The following KCTD16 variants were observed in gnomAD, a reference collection of about 807,000 sequenced individuals.
The protein encoded by KCTD16 is potassium channel tetramerization domain containing 16.
A neutral mutation model predicts 33.2 loss-of-function variants in KCTD16; 13 were observed. The ratio of observed to expected loss-of-function variants is 0.39; its 90% CI spans 0.25 to 0.62. The LOEUF (loss-of-function observed/expected upper bound fraction) is 0.62. KCTD16 is among the 20% of genes least tolerant of loss of function. The probability of loss-of-function intolerance (pLI) is 0.50; values close to 1 mark genes in which losing one functional copy is unlikely to be tolerated. For synonymous variants in KCTD16, 197 were observed against 195.3 expected (o/e 1.01, Z -0.07); for missense variants, 441 against 525.1 (o/e 0.84, Z 1.57).
At chr5:144,221,816 G>A (rs1302006787) in intron 3 of KCTD16, among the ~76,000 whole-genome samples, 2 of 152,158 alleles carry the variant, frequency 1.3e-5, no homozygotes, top group East Asian at 3.9e-4. Context: ...GGTATTTCTG[G>A]TTCTTGATCC....
chr5:144,375,773 C>T lies in KCTD16; in HGVS notation c.833-97887C>T, dbSNP rs4546415. 3.2e-3 allele frequency among the ~76,000 whole-genome samples: 487 copies of T among 152,170 alleles called. 1 individual carries two copies. Among genetic ancestry groups the T allele is most frequent in the African/African-American group, 0.011 (463 of 41,534 alleles). Reference sequence around the variant, plus strand: ...CTTCCTAGGACCAATATTCTAGGACCGTCACATCAAACTCCTTCCCTTCCT... The same window carrying T: ...CTTCCTAGGACCAATATTCTAGGACTGTCACATCAAACTCCTTCCCTTCCT... On this transcript the variant is annotated intron_variant, in intron 3 of 3. Transcript: ENST00000512467.
chr5:144,385,726 T>C (rs1176548252), intron 3 of KCTD16, among the ~76,000 whole-genome samples: 3 of 152,200 alleles, frequency 2.0e-5, no homozygotes, highest in Non-Finnish European at 4.4e-5. Flanking sequence ...TCTGGACCAA[T>C]AAACTGCTTT....
At chr5:144,212,135 T>C (rs1753415849) in intron 3 of KCTD16, among the ~76,000 whole-genome samples, 1 of 152,174 alleles carries the variant, frequency 6.6e-6, no homozygotes, top group African/African-American at 2.4e-5. Context: ...TAAGGCTTCA[T>C]TATGAAGTCA....
intron 3 of KCTD16, among the ~76,000 whole-genome samples, chr5:144,264,332 T>C (rs1402934865): frequency 1.3e-5 from 2 of 152,206 alleles, no homozygotes; most frequent in African/African-American, 4.8e-5. Context: ...ATTTGATATA[T>C]GAATTTCACG....
At chr5:144,344,014 T>C (rs939374923) in intron 3 of KCTD16, among the ~76,000 whole-genome samples, 1 of 152,116 alleles carries the variant, frequency 6.6e-6, no homozygotes, top group African/African-American at 2.4e-5. Context: ...AACAGAGATA[T>C]AGATCAATGG....
intron 3 of KCTD16, among the ~76,000 whole-genome samples, chr5:144,314,276 C>T: frequency 6.6e-6 from 1 of 152,018 alleles, no homozygotes; most frequent in East Asian, 1.9e-4. Flanking sequence ...TATTTTGTGA[C>T]TGAGAGATAT....
At position 144,172,692 on chromosome 5, in the gene KCTD16, C is replaced by T. The variant is rs576609709; in HGVS notation, c.-492-1615C>T. On this transcript the variant is annotated intron_variant, in intron 1 of 3. Coordinates refer to ENST00000512467, the MANE Select transcript of KCTD16 (RefSeq NM_020768.4). ...CCATTTTCTGCCTATTTTTACTTAC[C>T]CTCAGCATAATTATTAATGTTGCTC... Among the ~76,000 whole-genome samples, 181 of 152,172 alleles carry T rather than the reference C, an allele frequency of 1.2e-3. 1 individual carries two copies. Among genetic ancestry groups the T allele is most frequent in the Middle Eastern group, 6.8e-3 (2 of 294 alleles).
chr5:144,344,489 A>T (rs1183794777), intron 3 of KCTD16, among the ~76,000 whole-genome samples: 1 of 151,860 alleles, frequency 6.6e-6, no homozygotes, highest in East Asian at 1.9e-4. Context: ...ATCTACAAAG[A>T]ACTTCAACAA....
At chr5:144,259,289 TGAAGCATG>T (rs1754940861) in intron 3 of KCTD16, among the ~76,000 whole-genome samples, 4 of 118,322 alleles carry the variant, frequency 3.4e-5, no homozygotes, top group East Asian at 2.4e-4. Flanking sequence ...AAAAAAGGGA[TGAAGCATG>T]TCCTTGGGAA....
chr5:144,238,561 C>G (rs1269368952), intron 3 of KCTD16, among the ~76,000 whole-genome samples: 1 of 152,132 alleles, frequency 6.6e-6, no homozygotes, highest in Non-Finnish European at 1.5e-5. Context: ...TCTCTGGAGA[C>G]TGTGATGGTA....
chr5:144,447,581 A>G (rs7445893), intron 3 of KCTD16, among the ~76,000 whole-genome samples: 2 of 152,196 alleles, frequency 1.3e-5, no homozygotes, highest in African/African-American at 4.8e-5. Context: ...AAGAAAAAAC[A>G]AAAGAAAATG....
chr5:144,325,790 C>T (rs1297522535), intron 3 of KCTD16, among the ~76,000 whole-genome samples: 1 of 151,926 alleles, frequency 6.6e-6, no homozygotes, highest in Non-Finnish European at 1.5e-5. Context: ...TCTTGACTTG[C>T]CTGTTTCCCC....
intron 3 of KCTD16, among the ~76,000 whole-genome samples, chr5:144,413,437 A>G (rs1159360011): frequency 5.9e-5 from 9 of 152,212 alleles, no homozygotes; most frequent in Admixed American, 5.2e-4. Flanking sequence ...AAGATTTTTT[A>G]ATCCATAAAT....
At chr5:144,374,464 C>T (rs1327575753) in intron 3 of KCTD16, among the ~76,000 whole-genome samples, 2 of 152,114 alleles carry the variant, frequency 1.3e-5, no homozygotes, top group Non-Finnish European at 2.9e-5. Flanking sequence ...GAAAGATTCA[C>T]GAGGTGACAT....
At chr5:144,279,750 C>G (rs1387839610) in intron 3 of KCTD16, among the ~76,000 whole-genome samples, 1 of 152,206 alleles carries the variant, frequency 6.6e-6, no homozygotes, top group African/African-American at 2.4e-5. Context: ...GGAACCTAAT[C>G]ACCTTTTAAA....
At chr5:144,419,693 T>C (rs890518951) in intron 3 of KCTD16, among the ~76,000 whole-genome samples, 1 of 152,162 alleles carries the variant, frequency 6.6e-6, no homozygotes, top group Non-Finnish European at 1.5e-5. Context: ...GAAGTGGAAA[T>C]ATACCTATCC....
chr5:144,343,204 G>T (rs1052023017), intron 3 of KCTD16, among the ~76,000 whole-genome samples: 29 of 152,110 alleles, frequency 1.9e-4, no homozygotes, highest in Non-Finnish European at 1.8e-4. Flanking sequence ...AATCCATGTG[G>T]TCCTGGACTC....
chr5:144,203,487 G>A (rs28415223), intron 2 of KCTD16, among the ~76,000 whole-genome samples: 7,250 of 152,170 alleles, frequency 0.048, 496 homozygotes, highest in African/African-American at 0.15. Flanking sequence ...CTCTGGAATC[G>A]TGTGACCCTG....
intron 3 of KCTD16, among the ~76,000 whole-genome samples, chr5:144,440,887 C>A: frequency 7.2e-6 from 1 of 138,318 alleles, no homozygotes; most frequent in East Asian, 2.5e-4. Context: ...GATCTGTCCC[C>A]CCTCCCCCCA....
Sources: allele counts gnomAD v4.1 joint callset (sites outside exome capture counted in the v4.1 genomes callset), GRCh38; gene constraint gnomAD v4.1.1; transcripts MANE v1.5; gene names NCBI Gene and HGNC (gene_info 2026-07-23, HGNC 2026-07-21).